The following RFX6 variants were observed in gnomAD, a reference collection of about 807,000 sequenced individuals.
The protein encoded by RFX6 is DNA-binding protein RFX6.
RFX6 carries 50 observed loss-of-function variants against 110.8 expected under a neutral mutation model. That is an observed-to-expected ratio of 0.45 (90% CI 0.36 to 0.57). RFX6 has a LOEUF of 0.57. Ranked by LOEUF, RFX6 falls within the 20% of genes least tolerant of loss-of-function variation. RFX6 has a pLI of 0.00. For missense variants in RFX6, 990 were observed against 1,127.0 expected, an observed-to-expected ratio of 0.88 and a Z score of 1.74; for synonymous variants, 383 against 411.2, an observed-to-expected ratio of 0.93 and a Z score of 0.83.
At chr6:116,928,664 C>G in intron 17 of RFX6, 95 bp from the exon 18 acceptor site, 1 of 819,354 alleles carries the variant, frequency 1.2e-6, no homozygotes. Context: ...AGTTTGATAT[C>G]TTTAGGACGT....
intron 7 of RFX6, among the ~76,000 whole-genome samples, chr6:116,913,671 G>A (rs1239184783): frequency 6.6e-6 from 1 of 152,190 alleles, no homozygotes; most frequent in Non-Finnish European, 1.5e-5. Flanking sequence ...TATGCTAATT[G>A]TGAGTTTTAA....
chr6:116,926,475 A>G lies in RFX6; in HGVS notation c.1886-552A>G, dbSNP rs544531716. ...TCTTTTTTGAAATCTTTTTATATAC[A>G]TTACTTCATTTGATATACAGAATTT... is the stretch of plus-strand genomic sequence containing the variant. On this transcript the variant is annotated intron_variant, in intron 16 of 18. Transcript: ENST00000332958. Among the ~76,000 whole-genome samples, 414 of 152,184 alleles carry G rather than the reference A, an allele frequency of 2.7e-3. 2 individuals carry two copies. The highest frequency in any genetic ancestry group is 4.7e-3 in the Non-Finnish European group (323 of 68,000).
At chr6:116,900,718 A>G (rs1341822692) in intron 6 of RFX6, among the ~76,000 whole-genome samples, 1 of 152,206 alleles carries the variant, frequency 6.6e-6, no homozygotes, top group East Asian at 1.9e-4. Flanking sequence ...TATTGATTAC[A>G]GTGAGAAACT....
intron 4 of RFX6, among the ~76,000 whole-genome samples, chr6:116,884,126 A>G (rs1276275678): frequency 6.6e-6 from 1 of 152,120 alleles, no homozygotes; most frequent in African/African-American, 2.4e-5. Context: ...TCCCCTGGAG[A>G]ATGCCTTTTC....
chr6:116,925,645 A>T lies in RFX6; in HGVS notation c.1871A>T (p.Asn624Ile), dbSNP rs371137380. ...LHQFPAGNTDNMPLTGQMELS... is the reference protein window; with the variant it reads ...LHQFPAGNTDIMPLTGQMELS... ...CAGTTCCCTGCTGGGAACACAGACA[A>T]CATGCCGCTCACAGGTACGCTAAAG... Residue 624 changes from asparagine to isoleucine, a missense_variant, in exon 16 of 19, where the codon AAC becomes ATC. By Grantham distance (149) the Asn-to-Ile change is moderately radical. Around this residue, in one of 5 missense-constraint regions of RFX6, gnomAD observed 438 missense variants for 441.9 expected, o/e 0.99. Transcript: ENST00000332958. 2.5e-6 allele frequency: 4 copies of T among 1,613,224 alleles called. No homozygotes were observed. Among genetic ancestry groups the T allele is most frequent in the Non-Finnish European group, 3.4e-6 (4 of 1,179,252 alleles).
chr6:116,877,368 G>A lies in RFX6; in HGVS notation c.93G>A (p.Gln31=), dbSNP rs1774481106. 6.2e-7 allele frequency: 1 copy of A among 1,611,666 alleles called. No individual in the cohort carries two copies. The highest frequency in any genetic ancestry group is 8.5e-7 in the Non-Finnish European group (1 of 1,179,042). Residue 31 remains glutamine, a synonymous_variant, in exon 1 of 19, where the codon CAG becomes CAA. Coordinates refer to ENST00000332958, the MANE Select transcript of RFX6 (RefSeq NM_173560.4). ...SPGIQEDCCV[Q]LLGKGLLVYP... ...GGATCCAGGAAGACTGCTGTGTGCA[G>A]CTCCTGGGCAAGGGCTTGCTAGTCT...
intron 6 of RFX6, among the ~76,000 whole-genome samples, chr6:116,896,587 C>T (rs1000721746): frequency 2.1e-5 from 1 of 48,496 alleles, no homozygotes; most frequent in Admixed American, 2.2e-4. Flanking sequence ...TGCCTGTAAT[C>T]CCAGCTACTC....
chr6:116,884,982 T>G (rs1030374535), intron 4 of RFX6: 1 of 152,214 alleles, frequency 6.6e-6, no homozygotes, highest in Non-Finnish European at 1.5e-5. Flanking sequence ...GGTAAAAATA[T>G]AGCAAAATGT....
Position 116,928,853 on chromosome 6 carries a change from G to GC in RFX6, c.2499dup (p.Tyr834LeufsTer3). 2 of 1,613,604 alleles carry GC rather than the reference G, an allele frequency of 1.2e-6. No homozygotes were observed. The highest frequency in any genetic ancestry group is 1.7e-6 in the Non-Finnish European group (2 of 1,179,560). On this transcript the variant is annotated frameshift_variant, in exon 18 of 19. Transcript: ENST00000332958. ...CTGTCATCAGCAGCATTCGTTCACT[G>GC]CCCCCCTACAGTGACATCCACGATC...
At chr6:116,922,464 G>C (rs531108406) in intron 13 of RFX6, among the ~76,000 whole-genome samples, 1 of 152,188 alleles carries the variant, frequency 6.6e-6, no homozygotes, top group South Asian at 2.1e-4. Flanking sequence ...CTTAGAAACT[G>C]GAATGATCTG....
intron 11 of RFX6, among the ~76,000 whole-genome samples, chr6:116,919,714 G>C (rs1775551221): frequency 1.3e-5 from 2 of 152,302 alleles, no homozygotes; most frequent in South Asian, 4.1e-4. Context: ...GTAAGCCTGT[G>C]TGATACTTAA....
At chr6:116,904,468 T>C (rs934341000) in intron 6 of RFX6, among the ~76,000 whole-genome samples, 2 of 152,152 alleles carry the variant, frequency 1.3e-5, no homozygotes, top group Non-Finnish European at 2.9e-5. Context: ...GCTCTGAACA[T>C]TTATTTCATT....
intron 7 of RFX6, 55 bp downstream of exon 7, chr6:116,911,097 C>A: frequency 8.4e-7 from 1 of 1,195,410 alleles, no homozygotes; most frequent in South Asian, 1.2e-5. Flanking sequence ...CTCCATATGT[C>A]AATTTGCTGG....
At chr6:116,914,006 C>G (rs981307293) in intron 7 of RFX6, among the ~76,000 whole-genome samples, 1 of 152,304 alleles carries the variant, frequency 6.6e-6, no homozygotes, top group Non-Finnish European at 1.5e-5. Flanking sequence ...CCCTACAGAT[C>G]TATCCAACAC....
chr6:116,904,378 A>G (rs1197078317), intron 6 of RFX6, among the ~76,000 whole-genome samples: 1 of 151,846 alleles, frequency 6.6e-6, no homozygotes, highest in Non-Finnish European at 1.5e-5. Flanking sequence ...AGTACTTTTT[A>G]TATCTTGTTT....
intron 9 of RFX6, 81 bp from the exon 10 acceptor site, chr6:116,917,956 A>G (rs1014341297): frequency 4.2e-6 from 4 of 945,006 alleles, no homozygotes; most frequent in Non-Finnish European, 6.8e-6. Context: ...AGCTAGGAAT[A>G]AAAAGTAGTT....
At chr6:116,890,520 T>C (rs1407382657) in intron 4 of RFX6, among the ~76,000 whole-genome samples, 3 of 151,946 alleles carry the variant, frequency 2.0e-5, no homozygotes, top group Admixed American at 1.3e-4. Context: ...TGAATACATG[T>C]AGGAAAAAAA....
intron 18 of RFX6, among the ~76,000 whole-genome samples, chr6:116,930,793 A>T (rs1775867456): frequency 6.6e-6 from 1 of 152,178 alleles, no homozygotes; most frequent in Admixed American, 6.5e-5. Flanking sequence ...GAGAGAGTAG[A>T]GCAAAATAAA....
chr6:116,931,230 C>A, intron 18 of RFX6, 101 bp from the exon 19 acceptor site: 1 of 874,064 alleles, frequency 1.1e-6, no homozygotes, highest in Non-Finnish European at 1.9e-6. Context: ...GGTATGTGTG[C>A]TAAGTGCAAA....
Sources: allele counts gnomAD v4.1 joint callset (sites outside exome capture counted in the v4.1 genomes callset), GRCh38; gene constraint gnomAD v4.1.1; regional missense constraint gnomAD v4.1.1; transcripts MANE v1.5; gene names NCBI Gene and HGNC (gene_info 2026-07-23, HGNC 2026-07-21).